CCSER1: variants seen among roughly 807,000 people sequenced by gnomAD.
CCSER1 encodes the protein serine-rich coiled-coil domain-containing protein 1.
In CCSER1, 41 loss-of-function variants were observed where a neutral mutation model predicts 82.0. That is an observed-to-expected ratio of 0.50 (90% confidence interval 0.39 to 0.65). The LOEUF (loss-of-function observed/expected upper bound fraction) is 0.65. Among genes scored for constraint, CCSER1 ranks in the 30% least tolerant of loss-of-function variants. The pLI, the probability that CCSER1 is intolerant of heterozygous loss-of-function variation, is 0.00. For missense variants in CCSER1, 1,119 were observed against 1,064.2 expected, an observed-to-expected ratio of 1.05 and a Z score of -0.72; for synonymous variants, 414 against 383.9, an observed-to-expected ratio of 1.08 and a Z score of -0.92.
At chr4:91,519,898 T>C (rs933328000) in intron 10 of CCSER1, among the ~76,000 whole-genome samples, 1 of 152,224 alleles carries the variant, frequency 6.6e-6, no homozygotes, top group Non-Finnish European at 1.5e-5. Flanking sequence ...CTGAAAACAA[T>C]GTGTACTAGT....
At chr4:91,387,911 TTAGAC>T (rs1271430687) in intron 10 of CCSER1, among the ~76,000 whole-genome samples, 3 of 152,120 alleles carry the variant, frequency 2.0e-5, no homozygotes, top group Non-Finnish European at 4.4e-5. Flanking sequence ...CTATAGGACT[TTAGAC>T]TATTATTCAT....
Position 90,562,447 on chromosome 4 carries a change from G to A in CCSER1, c.1725-65578G>A, listed in dbSNP as rs532508817. 8.5e-5 allele frequency among the ~76,000 whole-genome samples: 13 copies of A among 152,186 alleles called. No homozygotes were observed. In the East Asian group the frequency reaches 2.5e-3, roughly 29 times the overall value. On this transcript the variant is annotated intron_variant, in intron 5 of 10. Transcript: ENST00000509176. ...AACACATAGTGAATCATGTTTTAAT[G>A]TTCTTAACTCCATTAAAAATGCATT...
chr4:90,509,871 A>G (rs1470261158), intron 5 of CCSER1, among the ~76,000 whole-genome samples: 3 of 152,208 alleles, frequency 2.0e-5, no homozygotes, highest in East Asian at 3.9e-4. Context: ...GGTTATGAAT[A>G]TTAACATATT....
At chr4:90,203,913 G>A (rs1281693274) in intron 1 of CCSER1, among the ~76,000 whole-genome samples, 1 of 152,004 alleles carries the variant, frequency 6.6e-6, no homozygotes, top group Non-Finnish European at 1.5e-5. Flanking sequence ...ATCTCATTGT[G>A]GTTTTGATTT....
intron 5 of CCSER1, among the ~76,000 whole-genome samples, chr4:90,611,178 C>T (rs191975771): frequency 0.013 from 1,914 of 145,776 alleles, 23 homozygotes; most frequent in Middle Eastern, 0.023. Context: ...GAATTACAGG[C>T]GTGAGCCACC....
intron 10 of CCSER1, among the ~76,000 whole-genome samples, chr4:91,510,554 G>C (rs1759759831): frequency 6.6e-6 from 1 of 152,046 alleles, no homozygotes; most frequent in Admixed American, 6.6e-5. Context: ...TTTTATTGTG[G>C]TTTTTATTTG....
chr4:91,146,440 C>G (rs1003208659), intron 10 of CCSER1, among the ~76,000 whole-genome samples: 1 of 152,156 alleles, frequency 6.6e-6, no homozygotes, highest in Non-Finnish European at 1.5e-5. Flanking sequence ...ACATTTCAAT[C>G]TGGTTAGGAT....
At chr4:91,087,532 A>C (rs1407679093) in intron 10 of CCSER1, among the ~76,000 whole-genome samples, 4 of 152,056 alleles carry the variant, frequency 2.6e-5, no homozygotes, top group Non-Finnish European at 5.9e-5. Flanking sequence ...GTTTAAATTA[A>C]TTTTAGAAGT....
chr4:91,077,651 C>A (rs1722148724), intron 9 of CCSER1, among the ~76,000 whole-genome samples: 1 of 152,190 alleles, frequency 6.6e-6, no homozygotes, highest in Non-Finnish European at 1.5e-5. Flanking sequence ...TGGGGCATCA[C>A]CTCACCTGGG....
chr4:91,393,139 T>G (rs974688854), intron 10 of CCSER1, among the ~76,000 whole-genome samples: 2 of 152,040 alleles, frequency 1.3e-5, no homozygotes, highest in African/African-American at 4.8e-5. Flanking sequence ...GCCTTTCAGA[T>G]CCACATTAAA....
chr4:91,239,026 A>T (rs368539891), intron 10 of CCSER1, among the ~76,000 whole-genome samples: 1 of 151,912 alleles, frequency 6.6e-6, no homozygotes, highest in Admixed American at 6.6e-5. Flanking sequence ...GGTTTTCACC[A>T]CTTTAGCCAG....
chr4:91,241,944 T>C (rs1330095824), intron 10 of CCSER1, among the ~76,000 whole-genome samples: 1 of 151,038 alleles, frequency 6.6e-6, no homozygotes, highest in East Asian at 1.9e-4. Context: ...TTTCTGCATA[T>C]ATTACACACA....
chr4:90,355,543 G>T (rs546866710), intron 3 of CCSER1, among the ~76,000 whole-genome samples: 7 of 152,034 alleles, frequency 4.6e-5, no homozygotes, highest in Non-Finnish European at 8.8e-5. Context: ...GAAAATCCAT[G>T]TTTGGTGGAA....
intron 9 of CCSER1, among the ~76,000 whole-genome samples, chr4:91,066,594 T>C (rs1000369208): frequency 6.6e-6 from 1 of 152,180 alleles, no homozygotes; most frequent in Non-Finnish European, 1.5e-5. Context: ...TGTGAATAGA[T>C]AATTATTCTT....
At chr4:90,379,548 G>A (rs976762029) in intron 3 of CCSER1, among the ~76,000 whole-genome samples, 3 of 152,136 alleles carry the variant, frequency 2.0e-5, no homozygotes, top group African/African-American at 7.2e-5. Context: ...ATAGAAGATA[G>A]AATATTTTGA....
intron 5 of CCSER1, among the ~76,000 whole-genome samples, chr4:90,507,161 T>C (rs906783772): frequency 6.6e-6 from 1 of 152,198 alleles, no homozygotes; most frequent in Non-Finnish European, 1.5e-5. Context: ...TTAACACTGA[T>C]TGCTATTTGC....
intron 10 of CCSER1, among the ~76,000 whole-genome samples, chr4:91,593,467 CTT>C (rs753973015): frequency 0.012 from 650 of 54,972 alleles, 2 homozygotes; most frequent in Middle Eastern, 0.058. Context: ...CAACCCCGTG[CTT>C]TTTTTTTTTT....
At chr4:91,224,679 A>G (rs1738011044) in intron 10 of CCSER1, among the ~76,000 whole-genome samples, 1 of 152,124 alleles carries the variant, frequency 6.6e-6, no homozygotes, top group Non-Finnish European at 1.5e-5. Flanking sequence ...TAAGTTTTGA[A>G]CATTACATTC....
At chr4:90,352,989 G>GA (rs954364734) in intron 3 of CCSER1, among the ~76,000 whole-genome samples, 4 of 124,750 alleles carry the variant, frequency 3.2e-5, no homozygotes, top group Non-Finnish European at 6.8e-5. Context: ...TTTAGGAACT[G>GA]AGGAAATATT....
Sources: allele counts gnomAD v4.1 joint callset (sites outside exome capture counted in the v4.1 genomes callset), GRCh38; gene constraint gnomAD v4.1.1; transcripts MANE v1.5; gene names NCBI Gene and HGNC (gene_info 2026-07-23, HGNC 2026-07-21).